Variants in RHOBTB1 observed in about 807,000 individuals in gnomAD.
The protein encoded by RHOBTB1 is Rho related BTB domain containing 1.
Under a neutral mutation model 71.6 loss-of-function variants are expected in RHOBTB1, and 40 were observed. The observed-to-expected ratio is 0.56, with a 90% CI of 0.43 to 0.73. RHOBTB1 has a LOEUF of 0.73. Ranked by LOEUF, RHOBTB1 falls within the 30% of genes least tolerant of loss-of-function variation. The pLI is 0.00. For missense variants in RHOBTB1, 797 were observed against 894.0 expected (o/e 0.89, Z 1.38); for synonymous variants, 319 against 334.9 (o/e 0.95, Z 0.52).
chr10:60,872,106 C>T, intron 10 of RHOBTB1, 79 bp downstream of exon 10: 1 of 1,085,272 alleles, frequency 9.2e-7, no homozygotes, highest in South Asian at 1.3e-5. Flanking sequence ...GACCATGTTC[C>T]TTTCCAGGGA....
At chr10:60,899,364 C>G (rs990795725) in intron 4 of RHOBTB1, among the ~76,000 whole-genome samples, 9 of 152,192 alleles carry the variant, frequency 5.9e-5, no homozygotes, top group Non-Finnish European at 1.5e-5. Flanking sequence ...CTTTGGCATT[C>G]CCTGAAGCTG....
intron 2 of RHOBTB1, among the ~76,000 whole-genome samples, chr10:60,921,411 C>T (rs1206446467): frequency 5.3e-5 from 8 of 152,152 alleles, no homozygotes; most frequent in Non-Finnish European, 1.0e-4. Context: ...AGCAGAGATG[C>T]GGCCAAGTAC....
intron 6 of RHOBTB1, among the ~76,000 whole-genome samples, chr10:60,887,771 C>G (rs1245933727): frequency 6.6e-6 from 1 of 152,062 alleles, no homozygotes; most frequent in Non-Finnish European, 1.5e-5. Context: ...GCTGAAGGGT[C>G]AATGGAGAAT....
At chr10:60,954,974 A>T (rs749359306) in intron 2 of RHOBTB1, among the ~76,000 whole-genome samples, 1 of 151,830 alleles carries the variant, frequency 6.6e-6, no homozygotes, top group Non-Finnish European at 1.5e-5. Context: ...TGCATTTATA[A>T]GAGGGAAATA....
intron 2 of RHOBTB1, among the ~76,000 whole-genome samples, chr10:60,983,401 CTTATAG>C (rs1181368438): frequency 2.0e-5 from 3 of 152,142 alleles, no homozygotes; most frequent in African/African-American, 7.2e-5. Flanking sequence ...TGTTTTTCTT[CTTATAG>C]TTATAGTATA....
chr10:60,975,270 G>A (rs1246796521), intron 2 of RHOBTB1, among the ~76,000 whole-genome samples: 2 of 151,968 alleles, frequency 1.3e-5, no homozygotes, highest in African/African-American at 4.8e-5. Context: ...GGTGTTTTTA[G>A]GCCATGACAA....
At chr10:60,981,015 A>C (rs1245511403) in intron 2 of RHOBTB1, among the ~76,000 whole-genome samples, 2 of 152,212 alleles carry the variant, frequency 1.3e-5, no homozygotes, top group Non-Finnish European at 2.9e-5. Context: ...TACATTATTC[A>C]TTCTTTAATT....
upstream of RHOBTB1, among the ~76,000 whole-genome samples, chr10:60,946,083 C>A (rs1370693216): frequency 6.6e-6 from 1 of 151,984 alleles, no homozygotes; most frequent in African/African-American, 2.4e-5. Context: ...GAGACTGAGG[C>A]AGAAGAATCG....
intron 7 of RHOBTB1, among the ~76,000 whole-genome samples, chr10:60,883,897 A>T (rs2081444489): frequency 6.6e-6 from 1 of 152,158 alleles, no homozygotes; most frequent in African/African-American, 2.4e-5. Context: ...TTGAGATTTG[A>T]GTCCCACAGT....
At chr10:60,976,574 T>G (rs1565175389) in intron 2 of RHOBTB1, among the ~76,000 whole-genome samples, 1 of 151,964 alleles carries the variant, frequency 6.6e-6, no homozygotes, top group Non-Finnish European at 1.5e-5. Flanking sequence ...GTAATGCCCC[T>G]TGTTTGTTTT....
intron 2 of RHOBTB1, among the ~76,000 whole-genome samples, chr10:60,963,511 G>A (rs2085856800): frequency 1.3e-5 from 2 of 152,068 alleles, no homozygotes; most frequent in Non-Finnish European, 2.9e-5. Context: ...CATTACAACA[G>A]AAAGCCTCTG....
At chr10:60,873,555 C>T (rs2080902544) in intron 9 of RHOBTB1, among the ~76,000 whole-genome samples, 1 of 152,214 alleles carries the variant, frequency 6.6e-6, no homozygotes, top group Non-Finnish European at 1.5e-5. Flanking sequence ...GTGCAACAAA[C>T]AGACACAACT....
At chr10:60,907,945 C>T (rs1469554590) in intron 4 of RHOBTB1, among the ~76,000 whole-genome samples, 25 of 152,176 alleles carry the variant, frequency 1.6e-4, no homozygotes, top group Admixed American at 1.6e-3. Flanking sequence ...ATCATCTCTG[C>T]CTCCTACAGT....
At chr10:60,908,905 C>T (rs1171868628) in intron 4 of RHOBTB1, among the ~76,000 whole-genome samples, 1 of 152,160 alleles carries the variant, frequency 6.6e-6, no homozygotes, top group Non-Finnish European at 1.5e-5. Flanking sequence ...AGGAGTGTTC[C>T]TGAAGCCCCT....
intron 2 of RHOBTB1, among the ~76,000 whole-genome samples, chr10:60,911,775 A>T (rs1224954046): frequency 6.6e-6 from 1 of 152,182 alleles, no homozygotes; most frequent in Non-Finnish European, 1.5e-5. Flanking sequence ...TTTTGACCCC[A>T]AACAGTTTAT....
intron 2 of RHOBTB1, among the ~76,000 whole-genome samples, chr10:60,973,944 G>A (rs1214452783): frequency 6.6e-6 from 1 of 151,958 alleles, no homozygotes; most frequent in Non-Finnish European, 1.5e-5. Context: ...AGGCCAAATA[G>A]TTTACCTGAA....
chr10:60,913,606 A>G (rs778942278), intron 2 of RHOBTB1, among the ~76,000 whole-genome samples: 2 of 152,200 alleles, frequency 1.3e-5, no homozygotes, highest in Non-Finnish European at 2.9e-5. Context: ...GTGTCTGGAA[A>G]CGTGTCTGGT....
In RHOBTB1 at chr10:60,889,069, A is replaced by C; in HGVS notation, c.599T>G (p.Phe200Cys). ...CAGCGCTGCTCGGATTGCATTGTCAAACACATCCTTGATACCAAACTGGTC... is the reference window on the plus strand; with the variant it reads ...CAGCGCTGCTCGGATTGCATTGTCACACACATCCTTGATACCAAACTGGTC... ...VFDQFGIKDV[F>C]DNAIRAALIS... The change falls in exon 6 of 11, where the codon TTT (phenylalanine) becomes TGT (cysteine). Residue 200 changes from phenylalanine to cysteine, a missense_variant. Physicochemically the swap from Phe to Cys is radical, Grantham distance 205. Transcript: ENST00000337910. 3 of 1,614,176 alleles carry C rather than the reference A, an allele frequency of 1.9e-6. No homozygotes were observed. The highest frequency in any genetic ancestry group is 2.5e-6 in the Non-Finnish European group (3 of 1,180,028).
At chr10:60,862,007 A>C in the RHOBTB1 span, among the ~76,000 whole-genome samples, 1 of 152,094 alleles carries the variant, frequency 6.6e-6, no homozygotes, top group Admixed American at 6.5e-5. Context: ...TTAGTTTATT[A>C]AAACTAGGAG....
Sources: gnomAD v4.1 joint callset for allele counts (sites outside exome capture counted in the v4.1 genomes callset) on GRCh38, gnomAD v4.1.1 for gene constraint, MANE v1.5 for transcripts, NCBI Gene and HGNC (gene_info 2026-07-23, HGNC 2026-07-21) for gene names.